The following SCAPER variants were observed in gnomAD, a reference collection of about 807,000 sequenced individuals.
SCAPER encodes the protein S phase cyclin A-associated protein in the endoplasmic reticulum.
In SCAPER, 98 loss-of-function variants were observed where a neutral mutation model predicts 182.2. That is an observed-to-expected ratio of 0.54 (90% CI 0.46 to 0.64). The LOEUF is 0.64. Among genes scored for constraint, SCAPER ranks in the 30% least tolerant of loss-of-function variants. The probability of loss-of-function intolerance (pLI) is 0.00; values close to 1 mark genes in which losing one functional copy is unlikely to be tolerated. For synonymous variants in SCAPER, 605 were observed against 564.6 expected (o/e 1.07, Z -1.01); for missense variants, 1,432 against 1,690.0 (o/e 0.85, Z 2.68).
chr15:76,820,484 C>G (rs1278756649), intron 5 of SCAPER, among the ~76,000 whole-genome samples: 3 of 150,698 alleles, frequency 2.0e-5, no homozygotes, highest in South Asian at 2.1e-4. Context: ...CAAACTATCG[C>G]AAGGACAAAA....
chr15:76,404,879 C>T (rs1380588849), intron 26 of SCAPER, among the ~76,000 whole-genome samples, 200 bp from the exon 27 acceptor site: 2 of 151,976 alleles, frequency 1.3e-5, no homozygotes, highest in African/African-American at 4.8e-5. Context: ...ATTTTTTTCT[C>T]TCTTCTTTCT....
chr15:76,552,242 C>T (rs1450247479), intron 23 of SCAPER, among the ~76,000 whole-genome samples: 1 of 152,110 alleles, frequency 6.6e-6, no homozygotes, highest in Non-Finnish European at 1.5e-5. Context: ...GACTGCGTCA[C>T]TGCACTCCCA....
In SCAPER at chr15:76,374,651, T is replaced by C. The variant is rs932740625; in HGVS notation, c.3855+1511A>G. Reference sequence around the variant, plus strand: ...CATGCGCCACCATGCCCGGTTAATTTTGTATTTTTAGTAGAGACGGGGTTT... The same window carrying C: ...CATGCGCCACCATGCCCGGTTAATTCTGTATTTTTAGTAGAGACGGGGTTT... On this transcript the variant is annotated intron_variant, in intron 29 of 31. Coordinates refer to ENST00000563290, the MANE Select transcript of SCAPER (RefSeq NM_020843.4). 4.6e-5 allele frequency among the ~76,000 whole-genome samples: 7 copies of C among 151,768 alleles called. No homozygotes were observed. In the East Asian group the frequency reaches 1.4e-3, roughly 30 times the overall value.
At chr15:76,766,279 T>G (rs1244871181) in intron 11 of SCAPER, among the ~76,000 whole-genome samples, 1 of 151,920 alleles carries the variant, frequency 6.6e-6, no homozygotes, top group Non-Finnish European at 1.5e-5. Context: ...GTATTTTTAG[T>G]AGAGATGGGG....
chr15:76,496,482 T>A (rs1238316497), intron 24 of SCAPER, among the ~76,000 whole-genome samples: 1 of 152,204 alleles, frequency 6.6e-6, no homozygotes, highest in African/African-American at 2.4e-5. Flanking sequence ...TGTATTTTTC[T>A]TAAAGAACTA....
At chr15:76,651,052 T>C (rs2054991989) in intron 21 of SCAPER, among the ~76,000 whole-genome samples, 3 of 151,822 alleles carry the variant, frequency 2.0e-5, no homozygotes. Context: ...ATTACATATA[T>C]TATAAAAAAA....
chr15:76,610,531 G>A (rs952987803), intron 22 of SCAPER, among the ~76,000 whole-genome samples: 4 of 151,964 alleles, frequency 2.6e-5, no homozygotes, highest in East Asian at 1.9e-4. Flanking sequence ...AAAGAAAACC[G>A]TAAAGATTCT....
intron 8 of SCAPER, among the ~76,000 whole-genome samples, chr15:76,786,591 C>T (rs2064628017): frequency 6.6e-6 from 1 of 152,178 alleles, no homozygotes; most frequent in Non-Finnish European, 1.5e-5. Context: ...GGAAAGGTGT[C>T]TCCTATCACC....
intron 23 of SCAPER, among the ~76,000 whole-genome samples, chr15:76,539,274 T>C (rs2044499217): frequency 6.6e-6 from 1 of 152,154 alleles, no homozygotes; most frequent in Non-Finnish European, 1.5e-5. Flanking sequence ...GTGGAATTTG[T>C]AGACAATGTA....
At chr15:76,657,314 T>C (rs1252147543) in intron 21 of SCAPER, among the ~76,000 whole-genome samples, 1 of 151,978 alleles carries the variant, frequency 6.6e-6, no homozygotes, top group Non-Finnish European at 1.5e-5. Flanking sequence ...ATTGATAAAT[T>C]CCTGGAAACA....
At chr15:76,381,720 T>A in intron 27 of SCAPER, 105 bp from the exon 28 acceptor site, 2 of 896,536 alleles carry the variant, frequency 2.2e-6, no homozygotes, top group Non-Finnish European at 1.7e-6. Flanking sequence ...AAACAAACCA[T>A]CTGAGTTGTA....
intron 21 of SCAPER, among the ~76,000 whole-genome samples, chr15:76,641,042 T>G (rs748556278): frequency 2.6e-5 from 4 of 152,166 alleles, no homozygotes; most frequent in Non-Finnish European, 5.9e-5. Context: ...ATAAACACCC[T>G]CATCTTGCCA....
intron 25 of SCAPER, among the ~76,000 whole-genome samples, chr15:76,453,309 T>C (rs1217608355): frequency 6.6e-6 from 1 of 152,184 alleles, no homozygotes; most frequent in Admixed American, 6.5e-5. Flanking sequence ...CATTCAAAAT[T>C]TGCCAGTTGT....
At chr15:76,631,628 C>A (rs1293956841) in intron 21 of SCAPER, among the ~76,000 whole-genome samples, 1 of 152,162 alleles carries the variant, frequency 6.6e-6, no homozygotes, top group African/African-American at 2.4e-5. Context: ...TCTTTTCTGG[C>A]TTGTAGGGTT....
chr15:76,894,338 T>C (rs1315908723), intron 1 of SCAPER, among the ~76,000 whole-genome samples: 1 of 151,996 alleles, frequency 6.6e-6, no homozygotes, highest in African/African-American at 2.4e-5. Flanking sequence ...GGTGGGAGGA[T>C]TGCTTGAGCC....
intron 6 of SCAPER, among the ~76,000 whole-genome samples, chr15:76,804,092 A>G (rs775862763): frequency 9.2e-5 from 14 of 152,226 alleles, no homozygotes; most frequent in Non-Finnish European, 1.8e-4. Flanking sequence ...ACACTTACAT[A>G]GCTGTTTAAA....
chr15:76,862,358 G>A lies in SCAPER; in HGVS notation c.124+58C>T, dbSNP rs73455367. 1.0e-3 allele frequency: 1,113 copies of A among 1,061,458 alleles called. 11 individuals are homozygous for A. The African/African-American group carries it at 0.015, about 15-fold the overall frequency. 65.8% of individuals were successfully genotyped at this position (1,061,458 alleles called of 1,614,324 possible). On this transcript the variant is annotated intron_variant, in intron 3 of 31. Transcript: ENST00000563290. Reference sequence around the variant, plus strand: ...AACAGTTTTCAGTCTATCTCTTTAGGACTAAATACACCCTCCTTATTTACA... The same window carrying A: ...AACAGTTTTCAGTCTATCTCTTTAGAACTAAATACACCCTCCTTATTTACA...
chr15:76,355,709 A>C (rs932141767), intron 29 of SCAPER, among the ~76,000 whole-genome samples: 1 of 152,238 alleles, frequency 6.6e-6, no homozygotes, highest in Non-Finnish European at 1.5e-5. Context: ...GGTGCCTGGC[A>C]TATCAGCACA....
intron 2 of SCAPER, among the ~76,000 whole-genome samples, chr15:76,881,089 A>G (rs1387020459): frequency 6.6e-6 from 1 of 152,086 alleles, no homozygotes; most frequent in African/African-American, 2.4e-5. Flanking sequence ...GTTCTTTACT[A>G]TTTTATTTAT....
Sources: gnomAD v4.1 joint callset for allele counts (sites outside exome capture counted in the v4.1 genomes callset) on GRCh38, gnomAD v4.1.1 for gene constraint, MANE v1.5 for transcripts, NCBI Gene and HGNC (gene_info 2026-07-23, HGNC 2026-07-21) for gene names.